The following GLYR1 variants were observed in gnomAD, a reference collection of about 807,000 sequenced individuals.
The protein encoded by GLYR1 is glyoxylate reductase 1 homolog, also known as cytokine-like nuclear factor N-PAC.
In GLYR1, 21 loss-of-function variants were observed where a neutral mutation model predicts 72.7. The ratio of observed to expected loss-of-function variants is 0.29; its 90% CI spans 0.20 to 0.42. GLYR1 has a LOEUF of 0.42. Among genes scored for constraint, GLYR1 ranks in the 10% least tolerant of loss-of-function variants. GLYR1 has a pLI of 1.00. For missense variants in GLYR1, 594 were observed against 712.1 expected (o/e 0.83, Z 1.89); for synonymous variants, 392 against 270.2 (o/e 1.45, Z -4.42).
chr16:4,833,784 G>C (rs571079514), intron 3 of GLYR1, among the ~76,000 whole-genome samples: 1 of 152,346 alleles, frequency 6.6e-6, no homozygotes, highest in African/African-American at 2.4e-5. Context: ...TGGGGTTTCT[G>C]ATCTGTCACA....
rs2082897831 is a variant in GLYR1, at chr16:4,805,195, CAG to C, written c.*39_*40del. 4.5e-6 allele frequency: 7 copies of C among 1,562,426 alleles called. No homozygotes were observed. Among genetic ancestry groups the C allele is most frequent in the East Asian group, 2.2e-5 (1 of 44,590 alleles). ...CGACCCCATGTGAGGAAGAGGGGGTCAGAGGGGGGATTGGAGGGGTGAGGGCG... is the reference window on the plus strand; with the variant it reads ...CGACCCCATGTGAGGAAGAGGGGGTCAGGGGGGATTGGAGGGGTGAGGGCG... On this transcript the variant is annotated 3_prime_UTR_variant, in exon 16 of 16. Transcript: ENST00000321919.
At chr16:4,820,117 C>T (rs2083917693) in intron 9 of GLYR1, among the ~76,000 whole-genome samples, 3 of 152,152 alleles carry the variant, frequency 2.0e-5, no homozygotes, top group Non-Finnish European at 2.9e-5. Flanking sequence ...CCCACCTCAG[C>T]CTCCCAAGTA....
intron 5 of GLYR1, among the ~76,000 whole-genome samples, chr16:4,831,557 C>A (rs1470172649): frequency 6.6e-6 from 1 of 152,268 alleles, no homozygotes; most frequent in Non-Finnish European, 1.5e-5. Flanking sequence ...TTGCTAAGCC[C>A]CTCCCAGGGC....
Position 4,845,169 on chromosome 16 carries a change from G to T in GLYR1, c.76-16C>A. ...GATTAACAATCTGGAGGATAAAAGG[G>T]GGGAAAAAGGTTGGCTGGCAACACA... On this transcript the variant is annotated splice_polypyrimidine_tract_variant and intron_variant, in intron 2 of 15. Transcript: ENST00000321919. 1.2e-6 allele frequency: 2 copies of T among 1,605,566 alleles called. No homozygotes were observed. The highest frequency in any genetic ancestry group is 1.7e-6 in the Non-Finnish European group (2 of 1,172,324).
intron 3 of GLYR1, among the ~76,000 whole-genome samples, chr16:4,844,376 A>G (rs1439580423): frequency 6.6e-6 from 1 of 152,248 alleles, no homozygotes. Context: ...ACATGATTGA[A>G]CAATTACTTT....
intron 15 of GLYR1, among the ~76,000 whole-genome samples, chr16:4,807,884 A>C (rs145082082): frequency 6.6e-6 from 1 of 152,380 alleles, no homozygotes; most frequent in African/African-American, 2.4e-5. Context: ...ATGTAATCTG[A>C]AAGAGTCATG....
At chr16:4,822,428 T>C (rs1326913653) in intron 7 of GLYR1, among the ~76,000 whole-genome samples, 1 of 152,004 alleles carries the variant, frequency 6.6e-6, no homozygotes, top group African/African-American at 2.4e-5. Flanking sequence ...TCTTACGCTG[T>C]TGCCCAGTCT....
At chr16:4,816,209 T>C (rs1042253497) in intron 10 of GLYR1, among the ~76,000 whole-genome samples, 2 of 152,112 alleles carry the variant, frequency 1.3e-5, no homozygotes, top group Non-Finnish European at 2.9e-5. Flanking sequence ...AGTGGTATGA[T>C]CACAGCTCAC....
At position 4,821,369 on chromosome 16, in the gene GLYR1, A is replaced by G; in HGVS notation, c.806+11T>C. ...CAGAGCCACTGGAGGCCTTTTCATC[A>G]AAGGTCCTACTTTTTGTCTGTGGGT... On this transcript the variant is annotated intron_variant, in intron 9 of 15. Coordinates refer to ENST00000321919, the MANE Select transcript of GLYR1 (RefSeq NM_032569.4). 1 of 1,612,502 alleles carries G rather than the reference A, an allele frequency of 6.2e-7. No homozygotes were observed. The highest frequency in any genetic ancestry group is 1.7e-5 in the Admixed American group (1 of 60,026).
chr16:4,842,065 C>T (rs566301211), intron 3 of GLYR1, among the ~76,000 whole-genome samples: 1 of 152,084 alleles, frequency 6.6e-6, no homozygotes, highest in Non-Finnish European at 1.5e-5. Context: ...CATGGTGAAA[C>T]CCTGCCTCTA....
At position 4,811,546 on chromosome 16, in the gene GLYR1, C is replaced by T. The variant is rs9928915; in HGVS notation, c.1462+77G>A. The T allele has an allele frequency of 1.2e-3, 1,927 of 1,543,280 alleles. 26 individuals are homozygous for T. In the African/African-American group the frequency reaches 0.024, roughly 19 times the overall value. On this transcript the variant is annotated intron_variant, in intron 14 of 15. Transcript: ENST00000321919. ...ACTGACTGGGGAGGGGCATCTTTCACGCTCACTAAATCCCTGACCTAGTAC... is the reference window on the plus strand; with the variant it reads ...ACTGACTGGGGAGGGGCATCTTTCATGCTCACTAAATCCCTGACCTAGTAC...
chr16:4,811,565 C>T, intron 14 of GLYR1, 58 bp downstream of exon 14: 1 of 1,590,840 alleles, frequency 6.3e-7, no homozygotes, highest in Non-Finnish European at 8.6e-7. Context: ...AATCCCTGAC[C>T]TAGTACCCTG....
At chr16:4,820,675 T>C (rs754043870) in intron 9 of GLYR1, among the ~76,000 whole-genome samples, 23 of 152,320 alleles carry the variant, frequency 1.5e-4, no homozygotes, top group Admixed American at 2.6e-4. Flanking sequence ...GGGAAGACCA[T>C]GTGAAAGGTA....
intron 9 of GLYR1, 65 bp downstream of exon 9, chr16:4,821,315 G>A: frequency 1.3e-6 from 2 of 1,544,378 alleles, no homozygotes; most frequent in South Asian, 1.1e-5. Context: ...ACCCCCCTGG[G>A]GTCACCTTCT....
intron 5 of GLYR1, among the ~76,000 whole-genome samples, chr16:4,830,540 G>A (rs913057049): frequency 6.6e-6 from 1 of 152,178 alleles, no homozygotes; most frequent in Non-Finnish European, 1.5e-5. Flanking sequence ...GTCAGCTACA[G>A]TTGCTTCCAT....
chr16:4,824,159 T>A (rs185287050), intron 5 of GLYR1, among the ~76,000 whole-genome samples: 53 of 152,322 alleles, frequency 3.5e-4, no homozygotes, highest in Non-Finnish European at 5.4e-4. Flanking sequence ...CCAAGTACGA[T>A]CTGCAGTACT....
chr16:4,843,404 C>T (rs1331077799), intron 3 of GLYR1: 3 of 1,088,012 alleles, frequency 2.8e-6, no homozygotes, highest in Non-Finnish European at 3.5e-6. Flanking sequence ...ATCCACCCAC[C>T]TTGGCCTCCC....
chr16:4,806,536 T>C (rs376388915), intron 15 of GLYR1, among the ~76,000 whole-genome samples: 327 of 151,424 alleles, frequency 2.2e-3, no homozygotes, highest in African/African-American at 7.7e-3. Flanking sequence ...AGCTAGTTTT[T>C]TATTTTTTTT....
At chr16:4,832,695 G>C in intron 4 of GLYR1, 79 bp downstream of exon 4, 2 of 1,439,948 alleles carry the variant, frequency 1.4e-6, no homozygotes, top group Non-Finnish European at 1.9e-6. Context: ...GTTTGCGTTT[G>C]GGTGACATTT....
Sources: gnomAD v4.1 joint callset for allele counts (sites outside exome capture counted in the v4.1 genomes callset) on GRCh38, gnomAD v4.1.1 for gene constraint, MANE v1.5 for transcripts, NCBI Gene and HGNC (gene_info 2026-07-23, HGNC 2026-07-21) for gene names.